SYNE2: variants seen among roughly 807,000 people sequenced by gnomAD.
The protein encoded by SYNE2 is nesprin-2.
SYNE2 carries 431 observed loss-of-function variants against 856.3 expected under a neutral mutation model. The observed-to-expected ratio is 0.50, with a 90% CI of 0.47 to 0.55. The LOEUF (loss-of-function observed/expected upper bound fraction) is 0.55, where lower values mean the gene tolerates loss of function less well. Among genes scored for constraint, SYNE2 ranks in the 20% least tolerant of loss-of-function variants. The pLI is 0.00. For missense variants in SYNE2, 8,129 were observed against 8,023.2 expected, an observed-to-expected ratio of 1.01 and a Z score of -0.50; for synonymous variants, 2,923 against 2,872.3, an observed-to-expected ratio of 1.02 and a Z score of -0.56.
intron 110 of SYNE2, among the ~76,000 whole-genome samples, 186 bp from the exon 111 acceptor site, chr14:64,220,251 A>G (rs903582511): frequency 9.8e-5 from 15 of 152,286 alleles, no homozygotes; most frequent in African/African-American, 3.1e-4. Flanking sequence ...CTGTTGGCCA[A>G]GTTCACAGAC....
At chr14:63,835,994 A>AAG (rs1318026467) in intron 1 of SYNE2, among the ~76,000 whole-genome samples, 2 of 151,362 alleles carry the variant, frequency 1.3e-5, no homozygotes, top group Admixed American at 6.6e-5. Context: ...AAAAAAAAAA[A>AAG]AAAAGGTGAA....
intron 29 of SYNE2, 44 bp from the exon 30 acceptor site, chr14:64,002,675 CT>C: frequency 6.2e-7 from 1 of 1,600,220 alleles, no homozygotes; most frequent in Non-Finnish European, 8.5e-7. Context: ...TGTAGCCTTT[CT>C]TTTTTCCACC....
At chr14:64,080,400 T>C (rs1226886133) in intron 55 of SYNE2, 56 bp from the exon 56 acceptor site, 1 of 1,560,384 alleles carries the variant, frequency 6.4e-7, no homozygotes, top group Non-Finnish European at 8.8e-7. Context: ...AACCAGGCAT[T>C]GCCTCCATAA....
chr14:64,074,426 A>C (rs949817947), intron 53 of SYNE2, among the ~76,000 whole-genome samples: 3 of 152,220 alleles, frequency 2.0e-5, no homozygotes, highest in African/African-American at 7.2e-5. Flanking sequence ...CAAGGGCCTC[A>C]GACCACTCTT....
chr14:64,087,890 T>C, intron 58 of SYNE2, 34 bp downstream of exon 58: 1 of 1,609,556 alleles, frequency 6.2e-7, no homozygotes, highest in Non-Finnish European at 8.5e-7. Context: ...TCATTCAGGA[T>C]TAAATTAGAG....
chr14:64,188,848 G>T (rs574629033), intron 98 of SYNE2, 140 bp downstream of exon 98: 3 of 884,354 alleles, frequency 3.4e-6, no homozygotes, highest in Non-Finnish European at 5.5e-6. Flanking sequence ...CACTATTTTC[G>T]ATCCTTTTGA....
chr14:63,958,628 C>T (rs1345843313), intron 8 of SYNE2, among the ~76,000 whole-genome samples: 2 of 152,044 alleles, frequency 1.3e-5, no homozygotes, highest in Non-Finnish European at 2.9e-5. Context: ...TTACTCTTTT[C>T]TCCCCCTTCT....
intron 61 of SYNE2, among the ~76,000 whole-genome samples, chr14:64,097,526 G>A (rs2097687019): frequency 6.6e-6 from 1 of 152,242 alleles, no homozygotes; most frequent in Non-Finnish European, 1.5e-5. Context: ...ACAATGGAAA[G>A]TCTGCATAAG....
intron 1 of SYNE2, among the ~76,000 whole-genome samples, chr14:63,880,931 C>T (rs1015876716): frequency 6.6e-6 from 1 of 151,852 alleles, no homozygotes; most frequent in Non-Finnish European, 1.5e-5. Context: ...ACTGCAACCT[C>T]TCTCTCCCGA....
chr14:64,169,022 T>C lies in SYNE2; in HGVS notation c.17000+51T>C, dbSNP rs778759877. On this transcript the variant is annotated intron_variant, in intron 93 of 115. Coordinates refer to ENST00000555002, the MANE Select transcript of SYNE2 (RefSeq NM_182914.3). ...TTGTGGGCGGATGGAAGGTAATGCA[T>C]TCAGTCAGGGCAGGCTTTCCACCAT... The C allele has an allele frequency of 4.2e-6, 6 of 1,416,646 alleles. No homozygotes were observed. The South Asian group carries it at 5.8e-5, about 14-fold the overall frequency. 87.8% of individuals were successfully genotyped at this position (1,416,646 alleles called of 1,614,324 possible). A position where few individuals can be genotyped will look rare whatever the true frequency, so the allele number is the denominator to read the frequency against.
At chr14:64,136,980 C>G (rs1464248125) in intron 78 of SYNE2, among the ~76,000 whole-genome samples, 1 of 152,164 alleles carries the variant, frequency 6.6e-6, no homozygotes, top group Non-Finnish European at 1.5e-5. Flanking sequence ...TACAGCCGCC[C>G]TTTGCCACAT....
At chr14:63,944,555 G>A (rs1310449165) in intron 6 of SYNE2, among the ~76,000 whole-genome samples, 41 of 117,684 alleles carry the variant, frequency 3.5e-4, no homozygotes, top group Middle Eastern at 6.9e-3. Flanking sequence ...ACAGAGTCTC[G>A]CTCTGTTGCC....
intron 97 of SYNE2, 88 bp downstream of exon 97, chr14:64,186,667 C>T: frequency 6.3e-7 from 1 of 1,581,018 alleles, no homozygotes; most frequent in South Asian, 1.1e-5. Context: ...AGCTTAATTT[C>T]ATTGAACCGG....
Position 63,980,629 on chromosome 14 carries a change from AAT to A in SYNE2, c.1570-22_1570-21del, listed in dbSNP as rs1363600855. The A allele has an allele frequency of 4.1e-6, 6 of 1,453,738 alleles. No homozygotes were observed. In the African/African-American group the frequency reaches 5.6e-5, roughly 14 times the overall value. The allele number at this position is 1,453,738 out of a possible 1,614,324, so 90.1% of individuals were successfully genotyped here. ...CACAATTTTAAAAGTAAAAACTGTCAATATGTTTTTTGTTTTCTTCCCAGAAA... is the reference window on the plus strand; with the variant it reads ...CACAATTTTAAAAGTAAAAACTGTCAATGTTTTTTGTTTTCTTCCCAGAAA... On this transcript the variant is annotated intron_variant, in intron 14 of 115. Coordinates refer to ENST00000555002, the MANE Select transcript of SYNE2 (RefSeq NM_182914.3).
At chr14:63,823,987 A>G (rs1331067293) in intron 1 of SYNE2, among the ~76,000 whole-genome samples, 1 of 152,126 alleles carries the variant, frequency 6.6e-6, no homozygotes, top group Non-Finnish European at 1.5e-5. Context: ...AATAAGACCT[A>G]CTATTTGCTA....
chr14:64,033,880 A>T (rs146438912), intron 45 of SYNE2, among the ~76,000 whole-genome samples: 10 of 152,236 alleles, frequency 6.6e-5, no homozygotes, highest in African/African-American at 2.2e-4. Flanking sequence ...GATACAGATA[A>T]CTAGTTTTTA....
At chr14:64,154,568 A>G (rs190939271) in intron 85 of SYNE2, among the ~76,000 whole-genome samples, 5 of 152,192 alleles carry the variant, frequency 3.3e-5, no homozygotes, top group African/African-American at 7.2e-5. Context: ...CAAGGTGGGC[A>G]GATCGCTTGA....
chr14:64,155,538 A>G (rs1372768217), intron 85 of SYNE2, among the ~76,000 whole-genome samples: 1 of 152,006 alleles, frequency 6.6e-6, no homozygotes, highest in East Asian at 1.9e-4. Context: ...TTTTAAATAG[A>G]TGAATCGTAT....
chr14:64,214,262 T>G lies in SYNE2; in HGVS notation c.19125T>G (p.Thr6375=), dbSNP rs2098655596. 1 of 1,614,020 alleles carries G rather than the reference T, an allele frequency of 6.2e-7. No individual in the cohort carries two copies. The highest frequency in any genetic ancestry group is 8.5e-7 in the Non-Finnish European group (1 of 1,180,020). The change falls in exon 106 of 116, where the codon ACT becomes ACG. Residue 6375 remains threonine, a synonymous_variant. Coordinates refer to ENST00000555002, the MANE Select transcript of SYNE2 (RefSeq NM_182914.3). ...TDMEDPREIQ[T]DSWRKRGESE... ...TGGAAGACCCCAGAGAAATCCAGAC[T>G]GATTCTTGGCGTAAACGGGGAGAGA...
Sources: gnomAD v4.1 joint callset for allele counts (sites outside exome capture counted in the v4.1 genomes callset) on GRCh38, gnomAD v4.1.1 for gene constraint, MANE v1.5 for transcripts, NCBI Gene and HGNC (gene_info 2026-07-23, HGNC 2026-07-21) for gene names.